The following PAFAH1B1 variants were observed in gnomAD, a reference collection of about 807,000 sequenced individuals.
PAFAH1B1 encodes the protein platelet activating factor acetylhydrolase 1b regulatory subunit 1.
In PAFAH1B1, 2 loss-of-function variants were observed where a neutral mutation model predicts 57.5. The observed-to-expected ratio is 0.03, with a 90% CI of 0.01 to 0.11. The LOEUF (loss-of-function observed/expected upper bound fraction) is 0.11, where lower values mean the gene tolerates loss of function less well. PAFAH1B1 is among the 10% of genes least tolerant of loss of function. The pLI is 1.00. For synonymous variants in PAFAH1B1, 152 were observed against 169.6 expected (o/e 0.90, Z 0.81); for missense variants, 257 against 512.0 (o/e 0.50, Z 4.81).
chr17:2,637,272 TTAAG>T (rs1452688925), intron 1 of PAFAH1B1, among the ~76,000 whole-genome samples: 1 of 152,140 alleles, frequency 6.6e-6, no homozygotes, highest in Non-Finnish European at 1.5e-5. Flanking sequence ...AGCCTCTATT[TTAAG>T]TAAGACCATC....
At chr17:2,652,826 T>C (rs544335769) in intron 2 of PAFAH1B1, among the ~76,000 whole-genome samples, 1 of 152,322 alleles carries the variant, frequency 6.6e-6, no homozygotes, top group Non-Finnish European at 1.5e-5. Flanking sequence ...GGTGGGACTG[T>C]AAACTAGTTC....
At chr17:2,609,023 C>G (rs1261766234) in intron 1 of PAFAH1B1, among the ~76,000 whole-genome samples, 1 of 152,136 alleles carries the variant, frequency 6.6e-6, no homozygotes, top group Non-Finnish European at 1.5e-5. Flanking sequence ...TGATGGTTAA[C>G]ATTTTTTTGA....
At chr17:2,651,202 A>G (rs952598581) in intron 2 of PAFAH1B1, among the ~76,000 whole-genome samples, 4 of 152,138 alleles carry the variant, frequency 2.6e-5, no homozygotes, top group Non-Finnish European at 5.9e-5. Flanking sequence ...ACCTTCTTAT[A>G]AAACCTTGCA....
At chr17:2,676,627 C>T in intron 9 of PAFAH1B1, 21 bp downstream of exon 9, 1 of 1,393,238 alleles carries the variant, frequency 7.2e-7, no homozygotes, top group Non-Finnish European at 1.0e-6. Flanking sequence ...ATAATCTTAC[C>T]ATTTCTTTTG....
intron 1 of PAFAH1B1, among the ~76,000 whole-genome samples, chr17:2,607,969 C>A (rs1180531002): frequency 6.6e-6 from 1 of 152,106 alleles, no homozygotes; most frequent in Non-Finnish European, 1.5e-5. Flanking sequence ...GAATATTCTA[C>A]TGTATATCTA....
intron 9 of PAFAH1B1, among the ~76,000 whole-genome samples, chr17:2,679,288 A>G (rs1271283455): frequency 6.6e-6 from 1 of 152,240 alleles, no homozygotes; most frequent in Non-Finnish European, 1.5e-5. Context: ...GTCCTTAAAG[A>G]TAAATTGCAA....
intron 2 of PAFAH1B1, among the ~76,000 whole-genome samples, chr17:2,648,761 T>TA (rs35463848): frequency 6.8e-6 from 1 of 147,700 alleles, no homozygotes; most frequent in Non-Finnish European, 1.5e-5. Context: ...TCCTGATGGT[T>TA]AAAAAAAAAA....
chr17:2,593,997 C>T lies in PAFAH1B1; in HGVS notation c.-200C>T. 1 of 390,482 alleles carries T rather than the reference C, an allele frequency of 2.6e-6. No homozygotes were observed. Among genetic ancestry groups the T allele is most frequent in the Non-Finnish European group, 4.5e-6 (1 of 221,502 alleles). 24.2% of individuals were successfully genotyped at this position (390,482 alleles called of 1,614,324 possible). The stretch of plus-strand genomic sequence containing the variant: ...AAGAGGCCCTGCGGAGGCGGCGGTG[C>T]AGCGCTCCGGTAAGGCGGCGCGGGT... On this transcript the variant is annotated 5_prime_UTR_variant, in exon 1 of 11. The change creates a premature stop within an existing upstream ORF in the 5' untranslated region. Coordinates refer to ENST00000397195, the MANE Select transcript of PAFAH1B1 (RefSeq NM_000430.4).
rs140256311 is a variant in PAFAH1B1, at chr17:2,596,293, G to T, written c.-191+2287G>T. 2.5e-3 allele frequency among the ~76,000 whole-genome samples: 379 copies of T among 152,194 alleles called. 3 individuals carry two copies. Among genetic ancestry groups the T allele is most frequent in the African/African-American group, 8.6e-3 (358 of 41,520 alleles). ...AATTAATGTCAGAAATATTTGGCAAGAAATAGGGGGTACAGGAATACTGCA... is the reference window on the plus strand; with the variant it reads ...AATTAATGTCAGAAATATTTGGCAATAAATAGGGGGTACAGGAATACTGCA... On this transcript the variant is annotated intron_variant, in intron 1 of 10. Transcript: ENST00000397195.
intron 1 of PAFAH1B1, among the ~76,000 whole-genome samples, chr17:2,627,722 A>C (rs934423345): frequency 2.0e-5 from 3 of 152,088 alleles, no homozygotes; most frequent in African/African-American, 7.2e-5. Context: ...TGAGCATGGG[A>C]TGTGTTTCCA....
chr17:2,624,534 A>C (rs1291055790), intron 1 of PAFAH1B1, among the ~76,000 whole-genome samples: 2 of 152,184 alleles, frequency 1.3e-5, no homozygotes, highest in Non-Finnish European at 2.9e-5. Context: ...GGCAAGAGAA[A>C]AATGAGGAAG....
chr17:2,672,704 T>A lies in PAFAH1B1; in HGVS notation c.618T>A (p.His206Gln), dbSNP rs781710874. The change falls in exon 7 of 11, where the codon CAT becomes CAA. Residue 206 changes from histidine (H) to glutamine (Q), a missense_variant. By Grantham distance (24) the His-to-Gln change is conservative. Coordinates refer to ENST00000397195, the MANE Select transcript of PAFAH1B1 (RefSeq NM_000430.4). ...TAGCCATCATGCCCAATGGAGATCATATAGTGTCTGCCTCAAGGGATAAAA... is the reference window on the plus strand; with the variant it reads ...TAGCCATCATGCCCAATGGAGATCAAATAGTGTCTGCCTCAAGGGATAAAA... ...SSVAIMPNGD[H>Q]IVSASRDKTI... The A allele has an allele frequency of 3.2e-5, 51 of 1,613,642 alleles. No individual in the cohort carries two copies. The highest frequency in any genetic ancestry group is 4.2e-5 in the Non-Finnish European group (50 of 1,179,728).
chr17:2,674,099 A>G lies in PAFAH1B1; in HGVS notation c.711A>G (p.Val237=), dbSNP rs749721685. The change falls in exon 8 of 11, where the codon GTA becomes GTG. Residue 237 remains valine, a synonymous_variant. Coordinates refer to ENST00000397195, the MANE Select transcript of PAFAH1B1 (RefSeq NM_000430.4). ...CATTCACAGGACACAGAGAATGGGTACGTATGGTACGGCCAAATCAAGATG... is the reference window on the plus strand; with the variant it reads ...CATTCACAGGACACAGAGAATGGGTGCGTATGGTACGGCCAAATCAAGATG... The part of the protein sequence containing the change: ...VKTFTGHREW[V]RMVRPNQDGT... 5 of 1,614,032 alleles carry G rather than the reference A, an allele frequency of 3.1e-6. No homozygotes were observed. In the Admixed American group the frequency reaches 6.7e-5, roughly 22 times the overall value.
intron 10 of PAFAH1B1, 39 bp downstream of exon 10, chr17:2,680,359 G>T (rs746840276): frequency 3.8e-6 from 6 of 1,582,822 alleles, no homozygotes; most frequent in Non-Finnish European, 5.2e-6. Context: ...ATTAGATTTT[G>T]GAGTGCCAGA....
intron 1 of PAFAH1B1, among the ~76,000 whole-genome samples, chr17:2,622,727 T>C (rs1255420110): frequency 6.6e-6 from 1 of 152,120 alleles, no homozygotes; most frequent in Admixed American, 6.6e-5. Flanking sequence ...CAGCTGGGAC[T>C]CACAGTAGGG....
At chr17:2,649,214 CA>C (rs566280217) in intron 2 of PAFAH1B1, among the ~76,000 whole-genome samples, 2,415 of 65,730 alleles carry the variant, frequency 0.037, 21 homozygotes, top group Middle Eastern at 0.068. Flanking sequence ...AAGACTGTCT[CA>C]AAAAAAAAAA....
chr17:2,679,117 G>T (rs2151672276), intron 9 of PAFAH1B1, among the ~76,000 whole-genome samples: 1 of 152,228 alleles, frequency 6.6e-6, no homozygotes, highest in South Asian at 2.1e-4. Flanking sequence ...AGATGAATGT[G>T]CTATTTTTTA....
intron 9 of PAFAH1B1, chr17:2,679,869 C>T: frequency 2.6e-6 from 1 of 383,230 alleles, no homozygotes. Flanking sequence ...AAATTATTCA[C>T]ACTCAAGAAA....
intron 1 of PAFAH1B1, among the ~76,000 whole-genome samples, chr17:2,598,103 G>A (rs954559780): frequency 2.6e-5 from 4 of 151,992 alleles, no homozygotes; most frequent in African/African-American, 9.7e-5. Context: ...AAAAAAATTA[G>A]CCGGGCATGG....
Sources: allele counts gnomAD v4.1 joint callset (sites outside exome capture counted in the v4.1 genomes callset), GRCh38; gene constraint gnomAD v4.1.1; transcripts MANE v1.5; gene names NCBI Gene and HGNC (gene_info 2026-07-23, HGNC 2026-07-21).